The following ABLIM3 variants were observed in gnomAD, a reference collection of about 807,000 sequenced individuals.
ABLIM3 encodes the protein actin binding LIM protein family member 3, also known as actin-binding LIM protein 3.
In ABLIM3, 61 loss-of-function variants were observed where a neutral mutation model predicts 109.5. The ratio of observed to expected loss-of-function variants is 0.56; its 90% CI spans 0.45 to 0.69. The LOEUF (loss-of-function observed/expected upper bound fraction) is 0.69. ABLIM3 is among the 30% of genes least tolerant of loss of function. ABLIM3 has a pLI of 0.00. For synonymous variants in ABLIM3, 300 were observed against 324.8 expected (o/e 0.92, Z 0.82); for missense variants, 796 against 889.5 (o/e 0.89, Z 1.34).
chr5:149,251,762 C>T (rs1430652093), intron 21 of ABLIM3, among the ~76,000 whole-genome samples: 1 of 152,178 alleles, frequency 6.6e-6, no homozygotes, highest in Non-Finnish European at 1.5e-5. Context: ...CACACTGTTC[C>T]CAGTAAGAAT....
At chr5:149,244,818 G>A in intron 15 of ABLIM3, 63 bp from the exon 16 acceptor site, 1 of 1,609,478 alleles carries the variant, frequency 6.2e-7, no homozygotes, top group South Asian at 1.1e-5. Context: ...GATAGGAAAA[G>A]GGTACACAGT....
At chr5:149,181,875 T>G (rs1289059716) in intron 2 of ABLIM3, among the ~76,000 whole-genome samples, 1 of 152,188 alleles carries the variant, frequency 6.6e-6, no homozygotes, top group Non-Finnish European at 1.5e-5. Flanking sequence ...ATGGGTTAGT[T>G]TACAGTTCTG....
intron 6 of ABLIM3, among the ~76,000 whole-genome samples, chr5:149,208,767 A>G (rs1254014481): frequency 6.6e-6 from 1 of 152,220 alleles, no homozygotes; most frequent in Non-Finnish European, 1.5e-5. Flanking sequence ...TATTATCAGC[A>G]GAAGGGGAAA....
rs1754804182 is a variant in ABLIM3 at position 149,260,492 on chromosome 5, A to G, written c.*2088A>G. ...GGGAGTGGAAATGACTGACATGGGA[A>G]GAGGCTGAACCCTGCACATTTTTCA... On this transcript the variant is annotated 3_prime_UTR_variant, in exon 24 of 24. Transcript: ENST00000309868. 6.6e-6 allele frequency: 1 copy of G among 152,550 alleles called. No homozygotes were observed. Among genetic ancestry groups the G allele is most frequent in the African/African-American group, 2.4e-5 (1 of 41,410 alleles). The allele number at this position is 152,550 out of a possible 1,614,324, so 9.4% of individuals were successfully genotyped here. A position where few individuals can be genotyped will look rare whatever the true frequency, so the allele number is the denominator to read the frequency against.
chr5:149,210,029 C>T (rs919224660), intron 6 of ABLIM3, among the ~76,000 whole-genome samples: 5 of 152,170 alleles, frequency 3.3e-5, no homozygotes, highest in Admixed American at 1.3e-4. Context: ...AGGCAGAGCC[C>T]GAAGCAAAGC....
intron 10 of ABLIM3, among the ~76,000 whole-genome samples, chr5:149,234,342 C>T (rs1010646631): frequency 1.3e-5 from 2 of 152,136 alleles, no homozygotes; most frequent in African/African-American, 4.8e-5. Flanking sequence ...TTCCACAAGC[C>T]AAAGGAGCCA....
chr5:149,195,510 G>A (rs1443051158), intron 3 of ABLIM3, among the ~76,000 whole-genome samples: 1 of 152,106 alleles, frequency 6.6e-6, no homozygotes, highest in Non-Finnish European at 1.5e-5. Flanking sequence ...TCCTCCTTCA[G>A]CTCCTTGGGG....
intron 2 of ABLIM3, among the ~76,000 whole-genome samples, chr5:149,146,194 C>A (rs946398193): frequency 2.0e-5 from 3 of 152,092 alleles, no homozygotes; most frequent in Non-Finnish European, 4.4e-5. Flanking sequence ...GTTTAAGTTC[C>A]TTATAGATTC....
chr5:149,252,709 A>G, intron 22 of ABLIM3, 48 bp from the exon 23 acceptor site: 1 of 1,437,734 alleles, frequency 7.0e-7, no homozygotes, highest in Non-Finnish European at 9.8e-7. Context: ...GAAAGGAACA[A>G]GCCCACCACC....
chr5:149,236,998 C>T (rs1752267151), intron 10 of ABLIM3, among the ~76,000 whole-genome samples: 1 of 152,182 alleles, frequency 6.6e-6, no homozygotes. Context: ...TCATCTTCTT[C>T]TTCAAGGATG....
At chr5:149,182,778 A>C (rs767232842) in intron 2 of ABLIM3, among the ~76,000 whole-genome samples, 1 of 152,220 alleles carries the variant, frequency 6.6e-6, no homozygotes, top group Non-Finnish European at 1.5e-5. Context: ...CAACCCTTTC[A>C]TAATCTCCAC....
chr5:149,246,961 G>A (rs1167939465), intron 17 of ABLIM3, among the ~76,000 whole-genome samples: 2 of 152,188 alleles, frequency 1.3e-5, no homozygotes, highest in African/African-American at 4.8e-5. Context: ...TATATACCCA[G>A]AAGAATTAAA....
chr5:149,237,946 C>T (rs1752389851), intron 11 of ABLIM3, among the ~76,000 whole-genome samples: 1 of 152,166 alleles, frequency 6.6e-6, no homozygotes, highest in Non-Finnish European at 1.5e-5. Context: ...ACTTATTACT[C>T]AAGCTGTTGT....
At chr5:149,154,946 G>A (rs1753753223) in intron 2 of ABLIM3, among the ~76,000 whole-genome samples, 1 of 152,200 alleles carries the variant, frequency 6.6e-6, no homozygotes, top group South Asian at 2.1e-4. Context: ...GGAAATTGAA[G>A]CCCAGAGAAG....
chr5:149,237,668 C>T, intron 11 of ABLIM3, 65 bp downstream of exon 11: 1 of 1,593,690 alleles, frequency 6.3e-7, no homozygotes, highest in Non-Finnish European at 8.5e-7. Context: ...GGGTCCCCAG[C>T]CCTCTCCATC....
chr5:149,147,008 TCTC>T (rs1213402739), intron 2 of ABLIM3, among the ~76,000 whole-genome samples: 1 of 152,164 alleles, frequency 6.6e-6, no homozygotes, highest in Non-Finnish European at 1.5e-5. Flanking sequence ...GTTTTGTAGT[TCTC>T]CTCGAAGAGA....
intron 2 of ABLIM3, among the ~76,000 whole-genome samples, chr5:149,168,099 A>G (rs2127456067): frequency 6.6e-6 from 1 of 152,312 alleles, no homozygotes; most frequent in East Asian, 1.9e-4. Context: ...AAATGTCTTC[A>G]GGCATTGTCA....
intron 11 of ABLIM3, among the ~76,000 whole-genome samples, chr5:149,237,887 T>C (rs773237860): frequency 3.3e-5 from 5 of 152,018 alleles, no homozygotes; most frequent in Non-Finnish European, 7.4e-5. Context: ...TTCCCCCCAG[T>C]CCCCCGACTC....
chr5:149,150,648 G>T (rs1270190950), intron 2 of ABLIM3, among the ~76,000 whole-genome samples: 1 of 152,198 alleles, frequency 6.6e-6, no homozygotes, highest in Non-Finnish European at 1.5e-5. Flanking sequence ...GTGGTGAACG[G>T]TCAACAACTG....
Sources: allele counts gnomAD v4.1 joint callset (sites outside exome capture counted in the v4.1 genomes callset), GRCh38; gene constraint gnomAD v4.1.1; transcripts MANE v1.5; gene names NCBI Gene and HGNC (gene_info 2026-07-23, HGNC 2026-07-21).